Variants in FLVCR2 observed in about 807,000 individuals in gnomAD.
FLVCR2 encodes the protein choline/ethanolamine transporter FLVCR2.
In FLVCR2, 38 loss-of-function variants were observed where a neutral mutation model predicts 48.9. The observed-to-expected ratio is 0.78, with a 90% confidence interval of 0.60 to 1.02. The LOEUF is 1.02. FLVCR2 is among the 50% of genes least tolerant of loss of function. The pLI is 0.00. For synonymous variants in FLVCR2, 255 were observed against 257.0 expected (o/e 0.99, Z 0.07); for missense variants, 664 against 663.3 (o/e 1.00, Z -0.01).
chr14:75,603,538 C>T (rs944962874), intron 1 of FLVCR2, among the ~76,000 whole-genome samples: 9 of 152,154 alleles, frequency 5.9e-5, no homozygotes, highest in African/African-American at 1.9e-4. Flanking sequence ...TCTTTCAATT[C>T]GTTTGTGCTA....
chr14:75,637,545 T>C (rs1890196176), intron 5 of FLVCR2, among the ~76,000 whole-genome samples: 1 of 151,836 alleles, frequency 6.6e-6, no homozygotes, highest in South Asian at 2.1e-4. Flanking sequence ...GCTAACACAG[T>C]GAAACCCTGT....
Position 75,639,455 on chromosome 14 carries a change from A to G in FLVCR2, c.1228A>G (p.Thr410Ala). Residue 410 changes from threonine (T) to alanine (A), a missense_variant, in exon 6 of 10, where the codon ACA becomes GCA. By Grantham distance (58) the Thr-to-Ala change is moderately conservative (BLOSUM62 0). Coordinates refer to ENST00000238667, the MANE Select transcript of FLVCR2 (RefSeq NM_017791.3). ...HLWVVFITAG[T>A]MGFFMTGYLP... ...GTGGGTAGTGTTCATCACTGCTGGC[A>G]CAATGGGGTAAGTTTCACCTCTGGC... 2 of 1,606,880 alleles carry G rather than the reference A, an allele frequency of 1.2e-6. No homozygotes were observed. The highest frequency in any genetic ancestry group is 1.7e-6 in the Non-Finnish European group (2 of 1,173,382).
At chr14:75,603,327 A>G (rs1889210429) in intron 1 of FLVCR2, among the ~76,000 whole-genome samples, 2 of 152,180 alleles carry the variant, frequency 1.3e-5, no homozygotes, top group South Asian at 4.1e-4. Flanking sequence ...CAGAGAGCAG[A>G]GAAGGGGAGA....
At chr14:75,590,698 C>T (rs904657309) in intron 1 of FLVCR2, among the ~76,000 whole-genome samples, 1 of 152,004 alleles carries the variant, frequency 6.6e-6, no homozygotes, top group Non-Finnish European at 1.5e-5. Flanking sequence ...CTCTCTCTTT[C>T]TTGCTTCTAC....
chr14:75,623,309 A>G (rs1889810632), intron 2 of FLVCR2, among the ~76,000 whole-genome samples: 1 of 152,106 alleles, frequency 6.6e-6, no homozygotes, highest in African/African-American at 2.4e-5. Flanking sequence ...TTTTATATCC[A>G]TGTACATTTA....
At chr14:75,637,728 CAA>C (rs59847223) in intron 5 of FLVCR2, among the ~76,000 whole-genome samples, 34 of 84,042 alleles carry the variant, frequency 4.0e-4, no homozygotes, top group Admixed American at 9.3e-4. Flanking sequence ...GACTCCATCT[CAA>C]AAAAAAAAAA....
rs1195337468 is a variant in FLVCR2 at position 75,578,972 on chromosome 14, G to A, written c.-1G>A. On this transcript the variant is annotated 5_prime_UTR_variant, in exon 1 of 10. Transcript: ENST00000238667. ...CCAGGATTCCAGAGGAGACTGTGGC[G>A]ATGGTGAATGAAGGTCCCAACCAGG... The A allele has an allele frequency of 3.1e-6, 5 of 1,614,066 alleles. No homozygotes were observed. In the African/African-American group the frequency reaches 6.7e-5, roughly 22 times the overall value.
chr14:75,618,395 G>A (rs1889670034), intron 1 of FLVCR2, among the ~76,000 whole-genome samples: 1 of 152,206 alleles, frequency 6.6e-6, no homozygotes. Context: ...TATGGGATGG[G>A]TAAAAATGAA....
At chr14:75,619,155 C>T (rs889646336) in intron 1 of FLVCR2, among the ~76,000 whole-genome samples, 8 of 151,908 alleles carry the variant, frequency 5.3e-5, no homozygotes, top group African/African-American at 1.2e-4. Context: ...ACCTGGGAGG[C>T]GGCAGAGGTT....
Position 75,579,529 on chromosome 14 carries a change from T to G in FLVCR2, c.557T>G (p.Ile186Ser), listed in dbSNP as rs745397662. ...LFPVTVVGQLICSVAQVFILG... is the reference protein window; with the variant it reads ...LFPVTVVGQLSCSVAQVFILG... ...CCGGTCACCGTGGTGGGCCAGCTCA[T>G]CTGCTCTGTGGCCCAGGTTTTCATC... The change falls in exon 1 of 10, where the codon ATC becomes AGC. Residue 186 changes from isoleucine to serine, a missense_variant. By Grantham distance (142) the Ile-to-Ser change is moderately radical (BLOSUM62 -2). Coordinates refer to ENST00000238667, the MANE Select transcript of FLVCR2 (RefSeq NM_017791.3). The G allele has an allele frequency of 1.2e-6, 2 of 1,613,532 alleles. No individual in the cohort carries two copies. The highest frequency in any genetic ancestry group is 4.5e-5 in the East Asian group (2 of 44,890).
chr14:75,614,731 G>C (rs1217107941), intron 1 of FLVCR2, among the ~76,000 whole-genome samples: 1 of 152,196 alleles, frequency 6.6e-6, no homozygotes, highest in Non-Finnish European at 1.5e-5. Context: ...ATAAAGAAAA[G>C]AGGTTTAATT....
intron 1 of FLVCR2, among the ~76,000 whole-genome samples, chr14:75,603,031 CCTT>C (rs377564612): frequency 6.6e-6 from 1 of 152,302 alleles, no homozygotes; most frequent in East Asian, 1.9e-4. Context: ...GTCTATTTCT[CCTT>C]CTTCCTTATC....
At chr14:75,597,642 T>C (rs959827552) in intron 1 of FLVCR2, among the ~76,000 whole-genome samples, 3 of 152,102 alleles carry the variant, frequency 2.0e-5, no homozygotes, top group Admixed American at 6.6e-5. Context: ...TGATCTTGGC[T>C]CACTGCAATC....
chr14:75,626,995 C>T (rs545643136), intron 3 of FLVCR2, among the ~76,000 whole-genome samples: 1 of 151,988 alleles, frequency 6.6e-6, no homozygotes, highest in Admixed American at 6.5e-5. Flanking sequence ...GTCCTCAGTG[C>T]TGGAGGTTGT....
chr14:75,632,338 A>C (rs1474289548), intron 3 of FLVCR2, among the ~76,000 whole-genome samples: 2 of 152,210 alleles, frequency 1.3e-5, no homozygotes, highest in Admixed American at 6.5e-5. Context: ...AACATTGCTT[A>C]TGATAAAAAT....
chr14:75,578,732 G>T lies in FLVCR2; in HGVS notation c.-241G>T, dbSNP rs1888514360. 2 of 586,704 alleles carry T rather than the reference G, an allele frequency of 3.4e-6. No homozygotes were observed. The highest frequency in any genetic ancestry group is 3.0e-5 in the Admixed American group (1 of 33,614). The allele number at this position is 586,704 out of a possible 1,614,324, so 36.3% of individuals were successfully genotyped here. A position where few individuals can be genotyped will look rare whatever the true frequency, so the allele number is the denominator to read the frequency against. On this transcript the variant is annotated 5_prime_UTR_variant, in exon 1 of 10. Transcript: ENST00000238667. Reference sequence around the variant, plus strand: ...GTCCGGAGCCGGCTGCGGCGTGTGCGGCCGGCCTTGGGACAGCGATCGCCG... The same window carrying T: ...GTCCGGAGCCGGCTGCGGCGTGTGCTGCCGGCCTTGGGACAGCGATCGCCG...
Position 75,633,641 on chromosome 14 carries a change from G to A in FLVCR2, c.965G>A (p.Gly322Asp). Residue 322 changes from glycine (G) to aspartate (D), a missense_variant, in exon 4 of 10, where the codon GGT (glycine) becomes GAT (aspartate). By Grantham distance (94) the Gly-to-Asp change is moderately conservative. Coordinates refer to ENST00000238667, the MANE Select transcript of FLVCR2 (RefSeq NM_017791.3). ...CTCCCTTCTTCAGGTCTGAATGCTGGTGCTTTTTATGCCTTGTCCACTCTT... is the reference window on the plus strand; with the variant it reads ...CTCCCTTCTTCAGGTCTGAATGCTGATGCTTTTTATGCCTTGTCCACTCTT... ...LLVITYGLNA[G>D]AFYALSTLLN... is the part of the protein sequence containing the mutation. The A allele has an allele frequency of 6.2e-7, 1 of 1,614,058 alleles. No homozygotes were observed. Among genetic ancestry groups the A allele is most frequent in the South Asian group, 1.1e-5 (1 of 91,082 alleles).
intron 1 of FLVCR2, among the ~76,000 whole-genome samples, chr14:75,598,953 T>C (rs144839068): frequency 5.8e-4 from 89 of 152,312 alleles, no homozygotes; most frequent in African/African-American, 2.0e-3. Context: ...CTCCATACTA[T>C]CTCCTTGGGT....
At chr14:75,632,766 C>T in intron 3 of FLVCR2, 1 of 702,252 alleles carries the variant, frequency 1.4e-6, no homozygotes, top group South Asian at 1.5e-5. Context: ...CCCCGGTGGG[C>T]ATTATGGAGT....
Sources: allele counts gnomAD v4.1 joint callset (sites outside exome capture counted in the v4.1 genomes callset), GRCh38; gene constraint gnomAD v4.1.1; transcripts MANE v1.5; gene names NCBI Gene and HGNC (gene_info 2026-07-23, HGNC 2026-07-21).